PDSS1: variants seen among roughly 807,000 people sequenced by gnomAD.
The protein encoded by PDSS1 is decaprenyl diphosphate synthase subunit 1.
Under a neutral mutation model 57.5 loss-of-function variants are expected in PDSS1, and 43 were observed. The observed-to-expected ratio is 0.75, with a 90% CI of 0.59 to 0.96. The LOEUF (loss-of-function observed/expected upper bound fraction) is 0.96, where lower values mean the gene tolerates loss of function less well. Among genes scored for constraint, PDSS1 ranks in the 50% least tolerant of loss-of-function variants. The pLI is 0.00. For missense variants in PDSS1, 438 were observed against 527.8 expected, an observed-to-expected ratio of 0.83 and a Z score of 1.67; for synonymous variants, 175 against 191.3, an observed-to-expected ratio of 0.91 and a Z score of 0.70.
At chr10:26,740,855 G>A (rs916827045) in intron 10 of PDSS1, 1 of 339,748 alleles carries the variant, frequency 2.9e-6, no homozygotes. Flanking sequence ...TCTAGGAAGT[G>A]AAGTGATTTG....
chr10:26,706,526 C>G (rs911321899), intron 4 of PDSS1, among the ~76,000 whole-genome samples: 2 of 152,196 alleles, frequency 1.3e-5, no homozygotes, highest in African/African-American at 4.8e-5. Context: ...TAGGAACTCC[C>G]CCAGACATGG....
At chr10:26,721,637 A>G (rs1001745489) in intron 6 of PDSS1, among the ~76,000 whole-genome samples, 9 of 152,194 alleles carry the variant, frequency 5.9e-5, no homozygotes, top group Admixed American at 5.9e-4. Flanking sequence ...GATGGCGTTT[A>G]GATTTGGAGA....
At chr10:26,716,307 G>A (rs1033207745) in intron 5 of PDSS1, among the ~76,000 whole-genome samples, 2 of 152,164 alleles carry the variant, frequency 1.3e-5, no homozygotes, top group Non-Finnish European at 2.9e-5. Flanking sequence ...AATATATTTT[G>A]TAAAACCACA....
In PDSS1 at chr10:26,719,000, G is replaced by T. The variant is rs187662128; in HGVS notation, c.468-1218G>T. Among the ~76,000 whole-genome samples the T allele has an allele frequency of 2.0e-5, 3 of 152,156 alleles. No individual in the cohort carries two copies. In the East Asian group the frequency reaches 5.8e-4, roughly 29 times the overall value. On this transcript the variant is annotated intron_variant, in intron 5 of 11. Transcript: ENST00000376215. ...CTTCATTTTTCATTGCTTTCTGCCGGGTCTGAGGAATTGGAATGAGCATTA... is the reference window on the plus strand; with the variant it reads ...CTTCATTTTTCATTGCTTTCTGCCGTGTCTGAGGAATTGGAATGAGCATTA...
chr10:26,723,304 G>A (rs1835847823), intron 6 of PDSS1, among the ~76,000 whole-genome samples: 3 of 152,194 alleles, frequency 2.0e-5, no homozygotes, highest in African/African-American at 7.2e-5. Flanking sequence ...ACAGTAAGTG[G>A]AAAGGCACAA....
chr10:26,728,350 C>T (rs1318765824), intron 8 of PDSS1, among the ~76,000 whole-genome samples: 2 of 151,952 alleles, frequency 1.3e-5, no homozygotes, highest in African/African-American at 4.8e-5. Context: ...ATTAGCCGGG[C>T]GTAGTGGCAG....
intron 1 of PDSS1, 99 bp downstream of exon 1, chr10:26,697,939 A>ACGCGGGGGCG: frequency 1.8e-6 from 2 of 1,096,658 alleles, no homozygotes; most frequent in Non-Finnish European, 2.3e-6. Context: ...GTGCGTCGCG[A>ACGCGGGGGCG]CGCGGGGGCG....
At chr10:26,744,335 C>CT (rs1464220119) in intron 11 of PDSS1, among the ~76,000 whole-genome samples, 10 of 152,116 alleles carry the variant, frequency 6.6e-5, no homozygotes, top group Non-Finnish European at 1.2e-4. Context: ...CACATCAGGA[C>CT]TAAAATGTTG....
At chr10:26,742,723 A>G in intron 11 of PDSS1, 146 bp downstream of exon 11, 1 of 668,200 alleles carries the variant, frequency 1.5e-6, no homozygotes. Context: ...TGAGAAGGGA[A>G]AACTCATTTT....
At chr10:26,721,785 G>T (rs879281141) in intron 6 of PDSS1, among the ~76,000 whole-genome samples, 4 of 152,182 alleles carry the variant, frequency 2.6e-5, no homozygotes, top group African/African-American at 4.8e-5. Context: ...GCCTTGGCTA[G>T]CCCCTGTGTG....
intron 8 of PDSS1, among the ~76,000 whole-genome samples, chr10:26,734,969 C>T (rs999147175): frequency 2.0e-5 from 3 of 152,174 alleles, no homozygotes; most frequent in African/African-American, 7.2e-5. Flanking sequence ...CTCAGTTTTT[C>T]CTAAGCAGTG....
intron 10 of PDSS1, among the ~76,000 whole-genome samples, chr10:26,737,947 G>A (rs1412866388): frequency 6.6e-6 from 1 of 152,166 alleles, no homozygotes; most frequent in Non-Finnish European, 1.5e-5. Context: ...ACACAGAATG[G>A]AGTCCAAGCA....
intron 5 of PDSS1, among the ~76,000 whole-genome samples, chr10:26,717,050 A>T (rs951030907): frequency 2.6e-5 from 4 of 152,172 alleles, no homozygotes; most frequent in African/African-American, 9.7e-5. Context: ...CATTTCCCAG[A>T]TGTAAGCTGA....
chr10:26,729,139 G>C (rs373244160), intron 8 of PDSS1, among the ~76,000 whole-genome samples: 1 of 152,036 alleles, frequency 6.6e-6, no homozygotes, highest in Non-Finnish European at 1.5e-5. Context: ...ATTATCCAAC[G>C]TATGGCCAGT....
At chr10:26,742,617 A>G (rs776800506) in intron 11 of PDSS1, 40 bp downstream of exon 11, 2 of 1,216,652 alleles carry the variant, frequency 1.6e-6, no homozygotes, top group East Asian at 2.3e-5. Context: ...CAGCAGGAAC[A>G]ACGTGGCAAA....
intron 4 of PDSS1, among the ~76,000 whole-genome samples, chr10:26,706,400 G>T (rs571616114): frequency 1.3e-5 from 2 of 152,272 alleles, no homozygotes; most frequent in Admixed American, 1.3e-4. Context: ...CTGCTCTGTC[G>T]CAATTGGCCA....
At chr10:26,739,218 C>T (rs992584130) in intron 10 of PDSS1, among the ~76,000 whole-genome samples, 8 of 152,122 alleles carry the variant, frequency 5.3e-5, no homozygotes, top group African/African-American at 1.9e-4. Context: ...TAGACTCATA[C>T]TCATCACCTT....
At chr10:26,718,285 C>T (rs892964536) in intron 5 of PDSS1, among the ~76,000 whole-genome samples, 66 of 152,020 alleles carry the variant, frequency 4.3e-4, no homozygotes, top group African/African-American at 1.2e-3. Flanking sequence ...TCAAGTGATC[C>T]GCCCGCCTCA....
At chr10:26,734,193 G>A (rs981777282) in intron 8 of PDSS1, among the ~76,000 whole-genome samples, 14 of 152,190 alleles carry the variant, frequency 9.2e-5, no homozygotes, top group Admixed American at 5.2e-4. Context: ...AGCAGAGCCC[G>A]CAGCACTGCA....
Sources: gnomAD v4.1 joint callset for allele counts (sites outside exome capture counted in the v4.1 genomes callset) on GRCh38, gnomAD v4.1.1 for gene constraint, MANE v1.5 for transcripts, NCBI Gene and HGNC (gene_info 2026-07-23, HGNC 2026-07-21) for gene names.